The following PDE4D variants were observed in gnomAD, a reference collection of about 807,000 sequenced individuals.
PDE4D encodes 3',5'-cyclic-AMP phosphodiesterase 4D.
A neutral mutation model predicts 87.4 loss-of-function variants in PDE4D; 24 were observed. The ratio of observed to expected loss-of-function variants is 0.27; its 90% CI spans 0.20 to 0.39. PDE4D has a LOEUF of 0.39. Ranked by LOEUF, PDE4D falls within the 10% of genes least tolerant of loss-of-function variation. The pLI is 1.00. For missense variants in PDE4D, 714 were observed against 1,041.0 expected (o/e 0.69, Z 4.32); for synonymous variants, 384 against 383.2 (o/e 1.00, Z -0.02).
In PDE4D at chr5:59,048,595, G is replaced by A. The variant is rs113114362; in HGVS notation, c.809-9624C>T. On this transcript the variant is annotated intron_variant, in intron 5 of 14. Coordinates refer to ENST00000340635, the MANE Select transcript of PDE4D (RefSeq NM_001104631.2). Reference sequence around the variant, plus strand: ...GAATTCCTAAACTGACCAGTTACTTGTCAAGGATCCCATCCAATACCATGA... The same window carrying A: ...GAATTCCTAAACTGACCAGTTACTTATCAAGGATCCCATCCAATACCATGA... Among the ~76,000 whole-genome samples the A allele has an allele frequency of 3.3e-4, 50 of 152,278 alleles. 1 individual carries two copies. Among genetic ancestry groups the A allele is most frequent in the African/African-American group, 1.2e-3 (48 of 41,548 alleles).
chr5:60,102,990 A>C (rs983419821), intron 2 of PDE4D, among the ~76,000 whole-genome samples: 14 of 151,756 alleles, frequency 9.2e-5, no homozygotes, highest in Non-Finnish European at 1.5e-4. Flanking sequence ...AAAAAAAAAA[A>C]CAGAAAACAG....
intron 1 of PDE4D, among the ~76,000 whole-genome samples, chr5:59,272,811 A>C (rs989029178): frequency 2.6e-5 from 4 of 152,146 alleles, no homozygotes; most frequent in Non-Finnish European, 5.9e-5. Context: ...TAAAATGTGA[A>C]TATCTCATAG....
intron 1 of PDE4D, among the ~76,000 whole-genome samples, chr5:60,379,145 G>A (rs1204584949): frequency 6.7e-6 from 1 of 149,336 alleles, no homozygotes; most frequent in Non-Finnish European, 1.5e-5. Flanking sequence ...ACTGAATTTG[G>A]AAGAAATTTC....
chr5:59,828,561 C>T (rs1341618198), intron 1 of PDE4D, among the ~76,000 whole-genome samples: 1 of 152,014 alleles, frequency 6.6e-6, no homozygotes, highest in East Asian at 1.9e-4. Flanking sequence ...TGCTGCAGGG[C>T]ATTGTTCTAT....
chr5:60,431,895 A>G (rs1269417658), intron 1 of PDE4D, among the ~76,000 whole-genome samples: 1 of 152,160 alleles, frequency 6.6e-6, no homozygotes, highest in African/African-American at 2.4e-5. Context: ...ACACAGCGAA[A>G]CCCCGTCTCC....
chr5:59,645,331 T>C (rs992766188), intron 1 of PDE4D, among the ~76,000 whole-genome samples: 4 of 152,126 alleles, frequency 2.6e-5, no homozygotes, highest in African/African-American at 9.7e-5. Context: ...GATGGCATGC[T>C]CCTTTGCTTT....
Position 60,408,785 on chromosome 5 carries a change from G to A in PDE4D, c.-90+79157C>T, listed in dbSNP as rs183857374. 3.3e-4 allele frequency among the ~76,000 whole-genome samples: 51 copies of A among 152,254 alleles called. 1 individual carries two copies. Among genetic ancestry groups the A allele is most frequent in the African/African-American group, 1.1e-3 (45 of 41,548 alleles). On this transcript the variant is annotated intron_variant, in intron 1 of 16. Coordinates refer to the PDE4D transcript ENST00000502484. Reference sequence around the variant, plus strand: ...TCACTATAGAACAAAATAATAAAGGGAGAGAGATATTCTCGCCATTACTAT... The same window carrying A: ...TCACTATAGAACAAAATAATAAAGGAAGAGAGATATTCTCGCCATTACTAT...
chr5:59,738,679 T>G (rs1027162841), intron 1 of PDE4D, among the ~76,000 whole-genome samples: 2 of 151,892 alleles, frequency 1.3e-5, no homozygotes, highest in East Asian at 3.8e-4. Context: ...TATTTTTACA[T>G]GCCTGAAATA....
intron 1 of PDE4D, among the ~76,000 whole-genome samples, chr5:59,401,034 C>T (rs1412803132): frequency 6.6e-6 from 1 of 152,194 alleles, no homozygotes; most frequent in African/African-American, 2.4e-5. Flanking sequence ...GAGATAGTGA[C>T]TCCTTTGCTG....
chr5:59,321,858 G>A lies in PDE4D; in HGVS notation c.456-105890C>T, dbSNP rs562461854. 2.2e-4 allele frequency among the ~76,000 whole-genome samples: 34 copies of A among 152,202 alleles called. No individual in the cohort carries two copies. The South Asian group carries it at 6.4e-3, about 29-fold the overall frequency. On this transcript the variant is annotated intron_variant, in intron 1 of 14. Coordinates refer to ENST00000340635, the MANE Select transcript of PDE4D (RefSeq NM_001104631.2). ...AAGATAATCTAAAAATAGAGTACAC[G>A]CATGCGCACTTGTGCACACACACTA...
At position 60,181,368 on chromosome 5, in the gene PDE4D, A is replaced by G. The variant is rs1321087312; in HGVS notation, c.42+4189T>C. Among the ~76,000 whole-genome samples, 3 of 152,334 alleles carry G rather than the reference A, an allele frequency of 2.0e-5. No individual in the cohort carries two copies. The East Asian group carries it at 5.8e-4, about 29-fold the overall frequency. ...GGAGCCTACTGGGAAAAATTTCACC[A>G]GATGGGCTCCTAGCCCCCAGACTCA... On this transcript the variant is annotated intron_variant, in intron 2 of 16. Transcript: ENST00000502484.
At chr5:60,154,050 C>T (rs1351245053) in intron 2 of PDE4D, among the ~76,000 whole-genome samples, 2 of 152,094 alleles carry the variant, frequency 1.3e-5, no homozygotes, top group African/African-American at 4.8e-5. Flanking sequence ...AAAAGCATTA[C>T]AGCAGGTCAA....
chr5:60,058,873 C>A (rs982210491), intron 2 of PDE4D, among the ~76,000 whole-genome samples: 2 of 151,712 alleles, frequency 1.3e-5, no homozygotes, highest in African/African-American at 4.8e-5. Flanking sequence ...AAATAAATCC[C>A]AAATCACAGT....
At chr5:59,706,921 A>G (rs547795324) in intron 1 of PDE4D, among the ~76,000 whole-genome samples, 51 of 152,294 alleles carry the variant, frequency 3.3e-4, no homozygotes, top group African/African-American at 1.2e-3. Flanking sequence ...TTTATTATGG[A>G]CAATGAAACC....
intron 5 of PDE4D, among the ~76,000 whole-genome samples, chr5:59,163,107 C>CT (rs534025246): frequency 0.24 from 30,872 of 129,722 alleles, 3,849 homozygotes; most frequent in African/African-American, 0.29. Context: ...TGCCTGGCTA[C>CT]TTTTTTTTTT....
intron 3 of PDE4D, among the ~76,000 whole-genome samples, chr5:59,936,518 A>T (rs1756595146): frequency 6.6e-6 from 1 of 152,202 alleles, no homozygotes; most frequent in Non-Finnish European, 1.5e-5. Context: ...AATGATATAC[A>T]TGATATGATA....
At chr5:59,382,880 A>T (rs1786173736) in intron 1 of PDE4D, among the ~76,000 whole-genome samples, 1 of 152,230 alleles carries the variant, frequency 6.6e-6, no homozygotes, top group Non-Finnish European at 1.5e-5. Flanking sequence ...ATGTAATTCA[A>T]TTATTCTAAG....
intron 1 of PDE4D, among the ~76,000 whole-genome samples, chr5:60,451,186 G>A (rs577683341): frequency 1.4e-4 from 22 of 152,096 alleles, no homozygotes; most frequent in Non-Finnish European, 2.4e-4. Context: ...GCTCAAATGC[G>A]ATGAAAATTA....
intron 1 of PDE4D, among the ~76,000 whole-genome samples, chr5:59,618,531 T>C (rs1012769621): frequency 5.9e-5 from 9 of 152,230 alleles, no homozygotes; most frequent in Non-Finnish European, 1.2e-4. Context: ...AAGCAACAGA[T>C]AGTCACTGAA....
Sources: allele counts gnomAD v4.1 joint callset (sites outside exome capture counted in the v4.1 genomes callset), GRCh38; gene constraint gnomAD v4.1.1; transcripts MANE v1.5; gene names NCBI Gene and HGNC (gene_info 2026-07-23, HGNC 2026-07-21).